MAGI2: variants seen among roughly 807,000 people sequenced by gnomAD.
MAGI2 encodes the protein membrane associated guanylate kinase, WW and PDZ domain containing 2, also known as membrane-associated guanylate kinase, WW and PDZ domain-containing protein 2.
MAGI2 carries 35 observed loss-of-function variants against 133.3 expected under a neutral mutation model. The observed-to-expected ratio is 0.26, with a 90% CI of 0.20 to 0.35. The LOEUF (loss-of-function observed/expected upper bound fraction) is 0.35. Ranked by LOEUF, MAGI2 falls within the 10% of genes least tolerant of loss-of-function variation. The probability of loss-of-function intolerance (pLI) is 1.00; values close to 1 mark genes in which losing one functional copy is unlikely to be tolerated. For synonymous variants in MAGI2, 729 were observed against 710.6 expected, an observed-to-expected ratio of 1.03 and a Z score of -0.41; for missense variants, 1,636 against 1,863.4, an observed-to-expected ratio of 0.88 and a Z score of 2.25.
chr7:78,195,305 G>C (rs1828619664), intron 11 of MAGI2, among the ~76,000 whole-genome samples: 1 of 152,126 alleles, frequency 6.6e-6, no homozygotes, highest in Admixed American at 6.6e-5. Context: ...ACATAACCTT[G>C]TCAACAATTA....
intron 1 of MAGI2, chr7:79,030,286 A>G (rs1810438506): frequency 6.6e-6 from 1 of 152,228 alleles, no homozygotes; most frequent in Non-Finnish European, 1.5e-5. Flanking sequence ...GATACAGTGA[A>G]GATGAGCATG....
chr7:79,214,785 A>G (rs1829873577), intron 1 of MAGI2, among the ~76,000 whole-genome samples: 2 of 141,982 alleles, frequency 1.4e-5, no homozygotes. Flanking sequence ...ATATAAAAAT[A>G]TATATTAATA....
chr7:78,346,877 T>C (rs1213037745), intron 7 of MAGI2, among the ~76,000 whole-genome samples: 3 of 152,136 alleles, frequency 2.0e-5, no homozygotes, highest in African/African-American at 7.2e-5. Flanking sequence ...CATAGAATTA[T>C]GGCAGGCAAG....
chr7:79,417,423 T>C (rs1846609422), intron 1 of MAGI2, among the ~76,000 whole-genome samples: 2 of 152,112 alleles, frequency 1.3e-5, no homozygotes, highest in Non-Finnish European at 2.9e-5. Flanking sequence ...TGCATTCATA[T>C]CTTGAATATC....
chr7:79,276,421 C>A (rs1835231347), intron 1 of MAGI2, among the ~76,000 whole-genome samples: 1 of 152,286 alleles, frequency 6.6e-6, no homozygotes, highest in Non-Finnish European at 1.5e-5. Context: ...AATTTTGATG[C>A]AAGAGCCTCC....
intron 2 of MAGI2, among the ~76,000 whole-genome samples, chr7:78,725,387 A>G (rs10230478): frequency 0.069 from 10,452 of 152,292 alleles, 441 homozygotes; most frequent in African/African-American, 0.092. Flanking sequence ...TTCCTTTCTA[A>G]ACCTTCCATT....
intron 2 of MAGI2, among the ~76,000 whole-genome samples, chr7:78,906,752 A>G (rs748767906): frequency 5.3e-5 from 8 of 152,224 alleles, no homozygotes; most frequent in Non-Finnish European, 1.0e-4. Context: ...TATAGAAATT[A>G]TAAACATCTC....
intron 2 of MAGI2, among the ~76,000 whole-genome samples, chr7:78,727,282 A>G (rs962522704): frequency 1.3e-5 from 2 of 152,224 alleles, no homozygotes; most frequent in African/African-American, 4.8e-5. Context: ...GTCATGCGCT[A>G]TTAGCTCTGT....
At chr7:78,694,800 A>C (rs1355391166) in intron 2 of MAGI2, among the ~76,000 whole-genome samples, 2 of 152,198 alleles carry the variant, frequency 1.3e-5, no homozygotes. Context: ...CTGTTATTGC[A>C]ATTAAGTCAG....
intron 2 of MAGI2, among the ~76,000 whole-genome samples, chr7:78,951,267 C>T (rs936637788): frequency 2.6e-5 from 4 of 152,054 alleles, no homozygotes; most frequent in Non-Finnish European, 4.4e-5. Flanking sequence ...CTGCCACACC[C>T]GGCTGATGTT....
chr7:78,186,274 G>C (rs978154009), intron 12 of MAGI2, among the ~76,000 whole-genome samples: 1 of 152,100 alleles, frequency 6.6e-6, no homozygotes, highest in South Asian at 2.1e-4. Context: ...AAAAAAGTGA[G>C]TGTAAAACAC....
At chr7:78,686,560 G>GGA (rs1554527377) in intron 2 of MAGI2, among the ~76,000 whole-genome samples, 2 of 136,580 alleles carry the variant, frequency 1.5e-5, no homozygotes, top group Non-Finnish European at 3.1e-5. Context: ...GAGGAAAGTG[G>GGA]AAAAAAAAAA....
intron 9 of MAGI2, among the ~76,000 whole-genome samples, chr7:78,328,328 A>G (rs917486245): frequency 6.6e-6 from 1 of 152,072 alleles, no homozygotes; most frequent in Non-Finnish European, 1.5e-5. Flanking sequence ...AAGTTTTGAG[A>G]TTACATCTGT....
intron 5 of MAGI2, among the ~76,000 whole-genome samples, chr7:78,492,697 G>A (rs1793734057): frequency 6.6e-6 from 1 of 152,108 alleles, no homozygotes; most frequent in Non-Finnish European, 1.5e-5. Context: ...TTCCTAGCTA[G>A]GGCAGATTCA....
At chr7:79,129,646 C>T (rs1197145870) in intron 1 of MAGI2, among the ~76,000 whole-genome samples, 1 of 152,148 alleles carries the variant, frequency 6.6e-6, no homozygotes, top group Non-Finnish European at 1.5e-5. Context: ...AATAGGGATG[C>T]TTTAAATACG....
chr7:79,029,416 C>T (rs765241447), intron 1 of MAGI2, among the ~76,000 whole-genome samples: 1 of 152,042 alleles, frequency 6.6e-6, no homozygotes, highest in Non-Finnish European at 1.5e-5. Flanking sequence ...ATAGAAAACA[C>T]CTTTTTAAAA....
chr7:79,259,772 C>T (rs1333303156), intron 1 of MAGI2, among the ~76,000 whole-genome samples: 2 of 152,060 alleles, frequency 1.3e-5, no homozygotes, highest in East Asian at 3.9e-4. Context: ...CGAAAAAGTA[C>T]TTCAATATTT....
At chr7:79,417,405 C>T (rs1846607752) in intron 1 of MAGI2, among the ~76,000 whole-genome samples, 1 of 152,094 alleles carries the variant, frequency 6.6e-6, no homozygotes, top group Admixed American at 6.6e-5. Flanking sequence ...GTTTTGGGTA[C>T]TTATCTTTGC....
chr7:78,048,111 G>A (rs1305991362), intron 21 of MAGI2, among the ~76,000 whole-genome samples: 1 of 152,120 alleles, frequency 6.6e-6, no homozygotes, highest in Non-Finnish European at 1.5e-5. Flanking sequence ...AAAGCTTTGT[G>A]GATTTGAGGA....
Sources: allele counts gnomAD v4.1 joint callset (sites outside exome capture counted in the v4.1 genomes callset), GRCh38; gene constraint gnomAD v4.1.1; transcripts MANE v1.5; gene names NCBI Gene and HGNC (gene_info 2026-07-23, HGNC 2026-07-21).